GABBR2: variants seen among roughly 807,000 people sequenced by gnomAD.
The protein encoded by GABBR2 is G-protein coupled receptor 51.
A neutral mutation model predicts 105.6 loss-of-function variants in GABBR2; 23 were observed. The observed-to-expected ratio is 0.22, with a 90% CI of 0.16 to 0.31. The LOEUF is 0.31. Among genes scored for constraint, GABBR2 ranks in the 10% least tolerant of loss-of-function variants. The pLI is 1.00. For synonymous variants in GABBR2, 478 were observed against 499.7 expected, an observed-to-expected ratio of 0.96 and a Z score of 0.58; for missense variants, 734 against 1,245.5, an observed-to-expected ratio of 0.59 and a Z score of 6.18.
rs183457003 is a variant in GABBR2 at position 98,382,396 on chromosome 9, C to T, written c.1662+3244G>A. ...TGGCACGATCTCGGCTCACTGCAAG[C>T]TCCGCCTCCCAGGTTCACGCCATTC... On this transcript the variant is annotated intron_variant, in intron 11 of 18. Transcript: ENST00000259455. Among the ~76,000 whole-genome samples the T allele has an allele frequency of 2.0e-5, 3 of 152,296 alleles. No individual in the cohort carries two copies. The East Asian group carries it at 5.8e-4, about 29-fold the overall frequency.
intron 5 of GABBR2, among the ~76,000 whole-genome samples, chr9:98,480,446 A>T (rs1488605705): frequency 6.6e-6 from 1 of 152,176 alleles, no homozygotes; most frequent in African/African-American, 2.4e-5. Flanking sequence ...AAATGGGAAA[A>T]TCATAGTTGC....
intron 3 of GABBR2, among the ~76,000 whole-genome samples, chr9:98,502,797 C>G (rs1205297463): frequency 6.6e-6 from 1 of 152,212 alleles, no homozygotes; most frequent in Non-Finnish European, 1.5e-5. Flanking sequence ...CTGAAATTCT[C>G]TCATGCCCAG....
chr9:98,646,109 T>C (rs1175747504), intron 1 of GABBR2, among the ~76,000 whole-genome samples: 1 of 150,876 alleles, frequency 6.6e-6, no homozygotes. Flanking sequence ...AAAGATCTGC[T>C]GGAGAGGTTG....
chr9:98,505,704 G>C lies in GABBR2; in HGVS notation c.631-9190C>G, dbSNP rs1488413992. 7.2e-5 allele frequency among the ~76,000 whole-genome samples: 11 copies of C among 152,262 alleles called. No individual in the cohort carries two copies. The East Asian group carries it at 2.1e-3, about 29-fold the overall frequency. On this transcript the variant is annotated intron_variant, in intron 3 of 18. Coordinates refer to ENST00000259455, the MANE Select transcript of GABBR2 (RefSeq NM_005458.8). ...GACTTGGGGCACAGAGACATGAAGGGGAAGTCCACGTGAAGACAGAGGCAG... is the reference window on the plus strand; with the variant it reads ...GACTTGGGGCACAGAGACATGAAGGCGAAGTCCACGTGAAGACAGAGGCAG...
At chr9:98,617,092 G>A (rs896304327) in intron 1 of GABBR2, among the ~76,000 whole-genome samples, 1 of 152,106 alleles carries the variant, frequency 6.6e-6, no homozygotes, top group Non-Finnish European at 1.5e-5. Context: ...AATTTTCCTG[G>A]GTCCCTGCTG....
At chr9:98,581,015 C>T (rs187482274) in intron 1 of GABBR2, 3 of 152,364 alleles carry the variant, frequency 2.0e-5, no homozygotes, top group East Asian at 3.9e-4. Flanking sequence ...GATCTGTGAC[C>T]CATGTCTGTG....
intron 13 of GABBR2, among the ~76,000 whole-genome samples, chr9:98,343,807 G>C (rs933942794): frequency 4.6e-5 from 7 of 151,868 alleles, no homozygotes; most frequent in Non-Finnish European, 8.8e-5. Flanking sequence ...GCAGTGAGCC[G>C]AGATTGCCCC....
intron 1 of GABBR2, among the ~76,000 whole-genome samples, chr9:98,631,887 T>C (rs1829820216): frequency 6.6e-6 from 1 of 152,238 alleles, no homozygotes; most frequent in Admixed American, 6.5e-5. Context: ...TTAGGCAGTT[T>C]AGCAATTGGA....
intron 9 of GABBR2, among the ~76,000 whole-genome samples, chr9:98,389,336 G>A (rs886452044): frequency 6.6e-5 from 10 of 152,214 alleles, no homozygotes; most frequent in African/African-American, 2.4e-4. Context: ...TGGAAGCACA[G>A]GGCTGGGTGA....
intron 1 of GABBR2, among the ~76,000 whole-genome samples, chr9:98,699,298 A>G (rs1230575727): frequency 2.0e-5 from 3 of 152,150 alleles, no homozygotes; most frequent in African/African-American, 4.8e-5. Context: ...GACGAAGAAA[A>G]TGACATCAGC....
chr9:98,362,688 T>A, intron 13 of GABBR2, 27 bp downstream of exon 13: 1 of 1,485,414 alleles, frequency 6.7e-7, no homozygotes, highest in Non-Finnish European at 9.0e-7. Context: ...TCTGCAGGCT[T>A]CCCTCCTGCC....
intron 1 of GABBR2, among the ~76,000 whole-genome samples, chr9:98,679,542 A>G (rs868738178): frequency 6.6e-6 from 1 of 152,250 alleles, no homozygotes; most frequent in South Asian, 2.1e-4. Flanking sequence ...GGAGCTGCTC[A>G]AGAATATTTG....
At chr9:98,638,219 A>G (rs1427445786) in intron 1 of GABBR2, among the ~76,000 whole-genome samples, 4 of 152,220 alleles carry the variant, frequency 2.6e-5, no homozygotes, top group African/African-American at 7.2e-5. Context: ...AAAATACATA[A>G]TCACAATACA....
chr9:98,440,661 A>G (rs1282369943), intron 7 of GABBR2, among the ~76,000 whole-genome samples: 1 of 152,250 alleles, frequency 6.6e-6, no homozygotes. Context: ...AGAAAGTGGC[A>G]TGAAATTTCA....
intron 7 of GABBR2, among the ~76,000 whole-genome samples, chr9:98,414,389 G>A (rs566543034): frequency 2.0e-4 from 30 of 152,248 alleles, no homozygotes; most frequent in East Asian, 7.7e-4. Flanking sequence ...AAACAGTGCC[G>A]ATAAAGCTGT....
In GABBR2 at chr9:98,299,151, A is replaced by G. The variant is rs1180498276; in HGVS notation, c.2542+73T>C. The G allele has an allele frequency of 4.6e-6, 6 of 1,317,646 alleles. No homozygotes were observed. In the Admixed American group the frequency reaches 1.0e-4, roughly 22 times the overall value. 81.6% of individuals were successfully genotyped at this position (1,317,646 alleles called of 1,614,324 possible). A position where few individuals can be genotyped will look rare whatever the true frequency, so the allele number is the denominator to read the frequency against. ...TGTCTGAGCCTCAGTTTCTTCATCTAAAAAATGGAAGATGAACAGCTGGTG... is the reference window on the plus strand; with the variant it reads ...TGTCTGAGCCTCAGTTTCTTCATCTGAAAAATGGAAGATGAACAGCTGGTG... On this transcript the variant is annotated intron_variant, in intron 17 of 18. Coordinates refer to ENST00000259455, the MANE Select transcript of GABBR2 (RefSeq NM_005458.8).
At chr9:98,610,774 A>T (rs1320959555) in intron 1 of GABBR2, among the ~76,000 whole-genome samples, 1 of 151,518 alleles carries the variant, frequency 6.6e-6, no homozygotes, top group African/African-American at 2.4e-5. Flanking sequence ...GGCCTCTAGG[A>T]CTGTGAGAAA....
At chr9:98,389,632 T>A (rs1309111945) in intron 9 of GABBR2, among the ~76,000 whole-genome samples, 1 of 152,238 alleles carries the variant, frequency 6.6e-6, no homozygotes, top group Non-Finnish European at 1.5e-5. Context: ...CCTGGAACTG[T>A]GGGATTCCAT....
intron 1 of GABBR2, among the ~76,000 whole-genome samples, chr9:98,594,757 C>T (rs1050189554): frequency 6.6e-6 from 1 of 152,234 alleles, no homozygotes; most frequent in African/African-American, 2.4e-5. Flanking sequence ...GATAGGGGAG[C>T]TCACAAGCCT....
Sources: allele counts gnomAD v4.1 joint callset (sites outside exome capture counted in the v4.1 genomes callset), GRCh38; gene constraint gnomAD v4.1.1; transcripts MANE v1.5; gene names NCBI Gene and HGNC (gene_info 2026-07-23, HGNC 2026-07-21).